MYO5A: variants seen among roughly 807,000 people sequenced by gnomAD.
The protein encoded by MYO5A is myosin VA, also known as unconventional myosin-Va.
MYO5A carries 98 observed loss-of-function variants against 249.7 expected under a neutral mutation model. The ratio of observed to expected loss-of-function variants is 0.39; its 90% CI spans 0.33 to 0.46. MYO5A has a LOEUF of 0.46. MYO5A is among the 20% of genes least tolerant of loss of function. The pLI, the probability that MYO5A is intolerant of heterozygous loss-of-function variation, is 0.98. For synonymous variants in MYO5A, 778 were observed against 810.6 expected (o/e 0.96, Z 0.68); for missense variants, 1,696 against 2,308.8 (o/e 0.73, Z 5.44).
chr15:52,368,806 A>G (rs927744293), intron 22 of MYO5A, among the ~76,000 whole-genome samples: 1 of 152,194 alleles, frequency 6.6e-6, no homozygotes, highest in African/African-American at 2.4e-5. Context: ...GAAAGAAAAA[A>G]TCTGAATCTG....
At chr15:52,472,985 T>C (rs184273348) in intron 1 of MYO5A, among the ~76,000 whole-genome samples, 1 of 152,268 alleles carries the variant, frequency 6.6e-6, no homozygotes, top group Non-Finnish European at 1.5e-5. Context: ...TCCACAATGG[T>C]TGAACTAGTT....
chr15:52,373,525 C>T (rs769895260), intron 20 of MYO5A, among the ~76,000 whole-genome samples: 2 of 152,164 alleles, frequency 1.3e-5, no homozygotes, highest in Non-Finnish European at 2.9e-5. Context: ...AAGACCCCCC[C>T]ACTCCAAATC....
intron 30 of MYO5A, among the ~76,000 whole-genome samples, chr15:52,345,010 C>G (rs945216202): frequency 5.3e-5 from 8 of 152,146 alleles, no homozygotes; most frequent in Non-Finnish European, 1.0e-4. Context: ...TAACCAAATA[C>G]TTTTATAAGC....
chr15:52,402,540 A>C (rs1352456697), intron 9 of MYO5A, among the ~76,000 whole-genome samples: 1 of 152,156 alleles, frequency 6.6e-6, no homozygotes, highest in African/African-American at 2.4e-5. Flanking sequence ...ATGTCTTACC[A>C]GTAACTTTTA....
At chr15:52,447,277 C>T (rs541410478) in intron 1 of MYO5A, among the ~76,000 whole-genome samples, 15 of 151,966 alleles carry the variant, frequency 9.9e-5, no homozygotes, top group Admixed American at 7.9e-4. Context: ...CTCACACTCT[C>T]GCTCTCTCTC....
intron 1 of MYO5A, among the ~76,000 whole-genome samples, chr15:52,470,653 C>CA (rs1396115640): frequency 4.0e-5 from 6 of 151,266 alleles, no homozygotes; most frequent in Admixed American, 6.6e-5. Context: ...TCCATCCCCC[C>CA]TCAAAAAAAG....
At chr15:52,395,875 G>A (rs1595591786) in intron 11 of MYO5A, among the ~76,000 whole-genome samples, 1 of 152,174 alleles carries the variant, frequency 6.6e-6, no homozygotes, top group East Asian at 1.9e-4. Flanking sequence ...CATTGCCATT[G>A]TCCCAGTGAA....
At chr15:52,474,082 G>A (rs1168568952) in intron 1 of MYO5A, among the ~76,000 whole-genome samples, 9 of 152,134 alleles carry the variant, frequency 5.9e-5, no homozygotes, top group Admixed American at 2.6e-4. Context: ...GTGGTTTGTA[G>A]TTCTCCTTGA....
chr15:52,337,684 G>A, intron 33 of MYO5A, 126 bp downstream of exon 33: 1 of 620,790 alleles, frequency 1.6e-6, no homozygotes, highest in Non-Finnish European at 2.8e-6. Context: ...GCTGTGGGGA[G>A]AAACAGGTTT....
At chr15:52,431,821 A>G (rs539732002) in intron 2 of MYO5A, among the ~76,000 whole-genome samples, 3 of 152,026 alleles carry the variant, frequency 2.0e-5, no homozygotes, top group Non-Finnish European at 4.4e-5. Context: ...CTCCATCTCT[A>G]CTAAAAAAAT....
intron 18 of MYO5A, among the ~76,000 whole-genome samples, chr15:52,379,177 C>T (rs948431380): frequency 7.2e-5 from 11 of 152,280 alleles, no homozygotes; most frequent in South Asian, 4.2e-4. Flanking sequence ...CATAGCTGGA[C>T]GTCGCTTTGT....
At chr15:52,524,492 T>G (rs1258794413) in intron 1 of MYO5A, among the ~76,000 whole-genome samples, 1 of 151,874 alleles carries the variant, frequency 6.6e-6, no homozygotes, top group Non-Finnish European at 1.5e-5. Flanking sequence ...AGGTCGATAC[T>G]GCAATGAGCC....
chr15:52,448,951 G>GTTTTTTTTTTTTTTTTTTTTTTTTTTT (rs2075954786), intron 1 of MYO5A, among the ~76,000 whole-genome samples: 1 of 64,058 alleles, frequency 1.6e-5, no homozygotes, highest in Non-Finnish European at 3.2e-5. Context: ...TTCTTTTCTT[G>GTTTTTTTTTTTTTTTTTTTTTTTTTTT]TCTTTCTTTT....
intron 29 of MYO5A, among the ~76,000 whole-genome samples, chr15:52,347,715 C>T (rs2039713186): frequency 6.6e-6 from 1 of 152,110 alleles, no homozygotes; most frequent in Admixed American, 6.5e-5. Context: ...TCTGAGAAGA[C>T]CAACTATAAT....
chr15:52,356,824 C>CA (rs2040251001), intron 25 of MYO5A, among the ~76,000 whole-genome samples: 1 of 99,486 alleles, frequency 1.0e-5, no homozygotes, highest in Non-Finnish European at 1.8e-5. Flanking sequence ...TTTTTATTTT[C>CA]AGGAATTGTA....
At chr15:52,478,227 T>A (rs1165393122) in intron 1 of MYO5A, among the ~76,000 whole-genome samples, 2 of 152,180 alleles carry the variant, frequency 1.3e-5, no homozygotes, top group Non-Finnish European at 2.9e-5. Flanking sequence ...CGGGATATAA[T>A]CTCGTGGTGT....
intron 34 of MYO5A, 117 bp from the exon 35 acceptor site, chr15:52,330,616 C>G (rs571123265): frequency 1.7e-6 from 2 of 1,179,750 alleles, no homozygotes; most frequent in African/African-American, 3.1e-5. Context: ...CCATATTTGC[C>G]ACTTAATTGC....
At chr15:52,404,169 G>A (rs1465491045) in intron 9 of MYO5A, among the ~76,000 whole-genome samples, 1 of 151,466 alleles carries the variant, frequency 6.6e-6, no homozygotes, top group African/African-American at 2.4e-5. Flanking sequence ...GGAGGCTGAG[G>A]CAGAAGAATC....
At chr15:52,403,018 G>A (rs1309465928) in intron 9 of MYO5A, among the ~76,000 whole-genome samples, 1 of 152,158 alleles carries the variant, frequency 6.6e-6, no homozygotes, top group East Asian at 1.9e-4. Context: ...CTGGATGGAA[G>A]GAACTTCTGG....
Sources: allele counts gnomAD v4.1 joint callset (sites outside exome capture counted in the v4.1 genomes callset), GRCh38; gene constraint gnomAD v4.1.1; transcripts MANE v1.5; gene names NCBI Gene and HGNC (gene_info 2026-07-23, HGNC 2026-07-21).